CCDC42: variants seen among roughly 807,000 people sequenced by gnomAD.
CCDC42 encodes the protein coiled-coil domain-containing protein 42.
In CCDC42, 38 loss-of-function variants were observed where a neutral mutation model predicts 40.8. The observed-to-expected ratio is 0.93, with a 90% CI of 0.72 to 1.22. The LOEUF (loss-of-function observed/expected upper bound fraction) is 1.22, where lower values mean the gene tolerates loss of function less well. Among genes scored for constraint, CCDC42 ranks in the 50% most tolerant of loss-of-function variants. The pLI is 0.00. For synonymous variants in CCDC42, 135 were observed against 157.5 expected (o/e 0.86, Z 1.07); for missense variants, 379 against 416.5 (o/e 0.91, Z 0.78).
chr17:8,744,477 G>C, intron 1 of CCDC42, 50 bp downstream of exon 1: 2 of 1,448,504 alleles, frequency 1.4e-6, no homozygotes, highest in Non-Finnish European at 1.9e-6. Context: ...GGGTGGGTGT[G>C]AGTGGTCCCA....
Position 8,735,723 on chromosome 17 carries a change from C to G in CCDC42, c.493-112G>C, listed in dbSNP as rs1167959161. On this transcript the variant is annotated intron_variant, in intron 4 of 6. Coordinates refer to ENST00000293845, the MANE Select transcript of CCDC42 (RefSeq NM_144681.3). This position sits in a 1 kb window ranked among gnomAD's most constrained non-coding sequence, Gnocchi z 4.7. The stretch of plus-strand genomic sequence containing the variant: ...CTGGACACCTGGACACCTGGGCAGG[C>G]AGGCCCTTGGCCAGGGTCACGGCCA... The G allele has an allele frequency of 6.8e-6, 6 of 877,704 alleles. No individual in the cohort carries two copies. The highest frequency in any genetic ancestry group is 1.7e-5 in the African/African-American group (1 of 59,148). 54.4% of individuals were successfully genotyped at this position (877,704 alleles called of 1,614,324 possible).
At chr17:8,733,841 CGGGA>C (rs1265153879) in intron 6 of CCDC42, among the ~76,000 whole-genome samples, 1 of 152,110 alleles carries the variant, frequency 6.6e-6, no homozygotes, top group Non-Finnish European at 1.5e-5. Context: ...TGAGGACCTC[CGGGA>C]GGCTGAGGGG....
intron 4 of CCDC42, among the ~76,000 whole-genome samples, chr17:8,740,696 G>A (rs1039462918): frequency 5.3e-5 from 8 of 152,092 alleles, no homozygotes; most frequent in African/African-American, 1.7e-4. Flanking sequence ...GCCCCCAAGA[G>A]GCGCGGTGGA....
At position 8,743,740 on chromosome 17, in the gene CCDC42, G is replaced by T. The variant is rs1435262721; in HGVS notation, c.190-10C>A. On this transcript the variant is annotated splice_polypyrimidine_tract_variant and intron_variant, in intron 2 of 6. Transcript: ENST00000293845. ...TTCTGCGCTGAAACATCTTTGGGGT[G>T]GGGGTGGGAGAGCAGAGAGGTCAGG... 1 of 1,520,022 alleles carries T rather than the reference G, an allele frequency of 6.6e-7. No individual in the cohort carries two copies. Among genetic ancestry groups the T allele is most frequent in the Non-Finnish European group, 9.1e-7 (1 of 1,094,996 alleles). The allele number at this position is 1,520,022 out of a possible 1,614,324, so 94.2% of individuals were successfully genotyped here.
rs2086570315 is a variant in CCDC42 at position 8,730,078 on chromosome 17, C to T, written c.*52G>A. The T allele has an allele frequency of 1.3e-6, 2 of 1,569,472 alleles. No homozygotes were observed. The highest frequency in any genetic ancestry group is 1.8e-6 in the Non-Finnish European group (2 of 1,141,080). On this transcript the variant is annotated 3_prime_UTR_variant, in exon 7 of 7. Transcript: ENST00000293845. ...GACTGACTGGACCGCAGGCTCACGA[C>T]TTCTTCTTTCACGATCTCTGTCTCA...
chr17:8,741,525 C>T lies in CCDC42; in HGVS notation c.441G>A (p.Lys147=), dbSNP rs145785091. The T allele has an allele frequency of 1.9e-4, 312 of 1,614,218 alleles. 4 individuals are homozygous for T. The African/African-American group carries it at 3.7e-3, about 19-fold the overall frequency. ...LEHQRLSAKL[K]DYYIFNKYLE... Reference sequence around the variant, plus strand: ...GGTACTTGTTGAAGATGTAGTAGTCCTTCAGCTTGGCGCTCAGCCGCTGGT... The same window carrying T: ...GGTACTTGTTGAAGATGTAGTAGTCTTTCAGCTTGGCGCTCAGCCGCTGGT... The change falls in exon 4 of 7, where the codon AAG becomes AAA. Residue 147 remains lysine, a synonymous_variant. Coordinates refer to ENST00000293845, the MANE Select transcript of CCDC42 (RefSeq NM_144681.3).
Position 8,744,825 on chromosome 17 carries a change from T to C in CCDC42, c.-216A>G. 1 of 583,576 alleles carries C rather than the reference T, an allele frequency of 1.7e-6. No individual in the cohort carries two copies. The highest frequency in any genetic ancestry group is 2.0e-5 in the South Asian group (1 of 50,578). The allele number at this position is 583,576 out of a possible 1,614,324, so 36.1% of individuals were successfully genotyped here. ...GCTGGGGCAGTTATGGGAGATGTGG[T>C]TACCTAGCAACAGGCTGCCTGGTTC... On this transcript the variant is annotated 5_prime_UTR_variant, in exon 1 of 7. Transcript: ENST00000293845.
At chr17:8,732,710 A>T (rs946425537) in intron 6 of CCDC42, among the ~76,000 whole-genome samples, 1 of 152,168 alleles carries the variant, frequency 6.6e-6, no homozygotes, top group African/African-American at 2.4e-5. Context: ...TGTTTTTTTA[A>T]TCTCATCTTC....
chr17:8,731,483 A>C (rs1049664394), intron 6 of CCDC42, among the ~76,000 whole-genome samples: 5 of 152,226 alleles, frequency 3.3e-5, no homozygotes, highest in Non-Finnish European at 4.4e-5. Flanking sequence ...TATCCACAAT[A>C]GCAAAGAGAA....
intron 4 of CCDC42, among the ~76,000 whole-genome samples, chr17:8,738,849 C>T (rs1015562980): frequency 6.6e-6 from 1 of 152,124 alleles, no homozygotes; most frequent in African/African-American, 2.4e-5. Flanking sequence ...TAATAAAAAG[C>T]ATGACTTGAG....
chr17:8,744,221 T>C, intron 1 of CCDC42, 37 bp from the exon 2 acceptor site: 1 of 1,515,444 alleles, frequency 6.6e-7, no homozygotes. Context: ...CTGTGTGTTC[T>C]GACATGGGGT....
intron 3 of CCDC42, 140 bp downstream of exon 3, chr17:8,743,486 A>G: frequency 1.5e-6 from 1 of 660,738 alleles, no homozygotes. Context: ...GCCTAGGGAC[A>G]TGCCAGGCAA....
At chr17:8,739,181 G>C (rs1757999938) in intron 4 of CCDC42, among the ~76,000 whole-genome samples, 2 of 152,174 alleles carry the variant, frequency 1.3e-5, no homozygotes, top group Admixed American at 1.3e-4. Context: ...TTGAACTCCA[G>C]ACGAGGTACC....
At position 8,741,456 on chromosome 17, in the gene CCDC42, C is replaced by T; in HGVS notation, c.492+18G>A. The T allele has an allele frequency of 6.2e-7, 1 of 1,613,136 alleles. No individual in the cohort carries two copies. The highest frequency in any genetic ancestry group is 8.5e-7 in the Non-Finnish European group (1 of 1,179,130). On this transcript the variant is annotated intron_variant, in intron 4 of 6. Coordinates refer to ENST00000293845, the MANE Select transcript of CCDC42 (RefSeq NM_144681.3). The stretch of plus-strand genomic sequence containing the variant: ...TGAGGAAGGTGCCAGGGCCGGCCCC[C>T]CTGCTCCTTGGACTCACCTCGGAGT...
At chr17:8,738,815 TAAATGTTACA>T (rs2086626157) in intron 4 of CCDC42, among the ~76,000 whole-genome samples, 1 of 152,188 alleles carries the variant, frequency 6.6e-6, no homozygotes, top group South Asian at 2.1e-4. Context: ...TACAAAACGT[TAAATGTTACA>T]AAATGTTACA....
chr17:8,740,576 C>T (rs540114291), intron 4 of CCDC42, among the ~76,000 whole-genome samples: 17 of 151,902 alleles, frequency 1.1e-4, no homozygotes, highest in Admixed American at 9.2e-4. Flanking sequence ...GAGGCGCCCC[C>T]GCCGGAGGAG....
At chr17:8,731,432 C>T (rs1460944512) in intron 6 of CCDC42, among the ~76,000 whole-genome samples, 1 of 152,160 alleles carries the variant, frequency 6.6e-6, no homozygotes, top group Non-Finnish European at 1.5e-5. Flanking sequence ...ATAAATCGTT[C>T]TATCATAAAC....
chr17:8,740,689 C>A (rs1453681000), intron 4 of CCDC42, among the ~76,000 whole-genome samples: 3 of 151,944 alleles, frequency 2.0e-5, no homozygotes, highest in African/African-American at 7.3e-5. Flanking sequence ...AGACGCTGCC[C>A]CCAAGAGGCG....
chr17:8,730,042 G>T lies in CCDC42; in HGVS notation c.*88C>A. On this transcript the variant is annotated 3_prime_UTR_variant, in exon 7 of 7. Transcript: ENST00000293845. ...CAGCAGGAAGGCACAGCAGGCATCG[G>T]TCCCGAGCTGGACTGACTGGACCGC... 1 of 1,217,280 alleles carries T rather than the reference G, an allele frequency of 8.2e-7. No individual in the cohort carries two copies. Among genetic ancestry groups the T allele is most frequent in the Non-Finnish European group, 1.2e-6 (1 of 830,922 alleles). The allele number at this position is 1,217,280 out of a possible 1,614,324, so 75.4% of individuals were successfully genotyped here.
Sources: allele counts gnomAD v4.1 joint callset (sites outside exome capture counted in the v4.1 genomes callset), GRCh38; gene constraint gnomAD v4.1.1; non-coding constraint Gnocchi (gnomAD v3.1); transcripts MANE v1.5; gene names NCBI Gene and HGNC (gene_info 2026-07-23, HGNC 2026-07-21).